ERICH3: variants seen among roughly 807,000 people sequenced by gnomAD.
ERICH3 encodes the protein glutamate rich 3, also known as glutamate-rich protein 3.
In ERICH3, 126 loss-of-function variants were observed where a neutral mutation model predicts 131.1. The observed-to-expected ratio is 0.96, with a 90% CI of 0.83 to 1.11. The LOEUF is 1.11. Ranked by LOEUF, ERICH3 falls within the 50% of genes most tolerant of loss-of-function variation. ERICH3 has a pLI of 0.00. For synonymous variants in ERICH3, 695 were observed against 644.6 expected (o/e 1.08, Z -1.18); for missense variants, 2,050 against 1,810.7 (o/e 1.13, Z -2.40).
At chr1:74,661,619 A>G (rs1021911414) in intron 1 of ERICH3, among the ~76,000 whole-genome samples, 6 of 152,152 alleles carry the variant, frequency 3.9e-5, no homozygotes, top group African/African-American at 9.7e-5. Flanking sequence ...CTTATTTAGA[A>G]CTGTATATTT....
chr1:74,641,347 G>A lies in ERICH3; in HGVS notation c.428C>T (p.Ser143Phe). 1 of 1,612,624 alleles carries A rather than the reference G, an allele frequency of 6.2e-7. No homozygotes were observed. The highest frequency in any genetic ancestry group is 8.5e-7 in the Non-Finnish European group (1 of 1,179,212). Residue 143 changes from serine (S) to phenylalanine (F), a missense_variant, in exon 5 of 15, where the codon TCC becomes TTC. Physicochemically the swap from Ser to Phe is radical, Grantham distance 155 (BLOSUM62 -2). Transcript: ENST00000326665. ...GHSVLVDEGHSSPLALTAPRP... is the reference protein window; with the variant it reads ...GHSVLVDEGHFSPLALTAPRP... ...ATTACTCACCAGTGCTAACGGACTG[G>A]AATGTCCTTCATCAACCAGAACACT...
chr1:74,657,711 G>T (rs1235930770), intron 1 of ERICH3, among the ~76,000 whole-genome samples: 1 of 152,134 alleles, frequency 6.6e-6, no homozygotes, highest in East Asian at 1.9e-4. Context: ...AGACAGTTTT[G>T]CAGTGTTCAC....
intron 12 of ERICH3, chr1:74,579,995 G>C: frequency 1.6e-6 from 1 of 625,980 alleles, no homozygotes; most frequent in Non-Finnish European, 2.0e-6. Flanking sequence ...TACAATGTCA[G>C]CTTTTTAGTA....
chr1:74,665,477 G>A (rs564978228), intron 1 of ERICH3, among the ~76,000 whole-genome samples: 1 of 152,182 alleles, frequency 6.6e-6, no homozygotes, highest in Non-Finnish European at 1.5e-5. Flanking sequence ...GCCAAGTAAT[G>A]AAGAGCATCA....
At chr1:74,637,763 T>C (rs977513131) in intron 5 of ERICH3, among the ~76,000 whole-genome samples, 8 of 151,870 alleles carry the variant, frequency 5.3e-5, no homozygotes, top group South Asian at 2.1e-4. Context: ...CTACAAAAAA[T>C]GCAAAAATTA....
At chr1:74,631,423 C>T (rs1157197982) in intron 7 of ERICH3, among the ~76,000 whole-genome samples, 1 of 151,990 alleles carries the variant, frequency 6.6e-6, no homozygotes, top group Admixed American at 6.6e-5. Flanking sequence ...TGTGACTGAA[C>T]AGGTGCATTT....
At chr1:74,589,351 T>G (rs1647475765) in intron 12 of ERICH3, 1 of 540,740 alleles carries the variant, frequency 1.8e-6, no homozygotes, top group African/African-American at 1.9e-5. Context: ...ATACTGTGCT[T>G]TATTTCATTC....
chr1:74,581,595 C>T (rs1030831495), intron 12 of ERICH3, among the ~76,000 whole-genome samples: 1 of 152,000 alleles, frequency 6.6e-6, no homozygotes, highest in Non-Finnish European at 1.5e-5. Flanking sequence ...AGCTTTATTG[C>T]ACTGTTATCA....
In ERICH3 at chr1:74,636,280, C is replaced by G. The variant is rs775567742; in HGVS notation, c.603G>C (p.Gly201=). Residue 201 remains glycine (G), a splice_region_variant and synonymous_variant, in exon 6 of 15, where the codon GGG becomes GGC. Transcript: ENST00000326665. ...ATTTATTGATAAAAATAACATTTACCCCAATGGGAAACAGAGCTTCATTTT... is the reference window on the plus strand; with the variant it reads ...ATTTATTGATAAAAATAACATTTACGCCAATGGGAAACAGAGCTTCATTTT... ...LLENEALFPI[G]GKKAVMKFRN... is the part of the protein sequence containing the mutation. 4.4e-6 allele frequency: 7 copies of G among 1,596,196 alleles called. No individual in the cohort carries two copies. In the Admixed American group the frequency reaches 6.9e-5, roughly 16 times the overall value.
chr1:74,596,831 T>C (rs1478337950), intron 11 of ERICH3, among the ~76,000 whole-genome samples: 1 of 152,044 alleles, frequency 6.6e-6, no homozygotes, highest in Admixed American at 6.6e-5. Flanking sequence ...GGGTCCTCTC[T>C]TAGTCAGCTT....
At chr1:74,672,865 C>G (rs1443875757) in intron 1 of ERICH3, among the ~76,000 whole-genome samples, 1 of 151,834 alleles carries the variant, frequency 6.6e-6, no homozygotes, top group Non-Finnish European at 1.5e-5. Flanking sequence ...CTAAGGGGTT[C>G]ACCTACCTAA....
chr1:74,587,770 A>G (rs1647402124), intron 12 of ERICH3, among the ~76,000 whole-genome samples: 1 of 152,224 alleles, frequency 6.6e-6, no homozygotes, highest in Admixed American at 6.5e-5. Context: ...TACATTTTCT[A>G]GATGATACCT....
intron 7 of ERICH3, among the ~76,000 whole-genome samples, chr1:74,626,445 A>T (rs1649418739): frequency 6.6e-6 from 1 of 152,212 alleles, no homozygotes; most frequent in Non-Finnish European, 1.5e-5. Flanking sequence ...GTCTCAAACT[A>T]GTGTCATAAA....
intron 11 of ERICH3, among the ~76,000 whole-genome samples, chr1:74,593,137 C>A (rs9326117): frequency 0.4 from 60,790 of 151,950 alleles, 13,326 homozygotes; most frequent in Non-Finnish European, 0.5. Context: ...GCACTCATTG[C>A]GTGAGGTCTT....
At chr1:74,582,633 G>A (rs1647198885) in intron 12 of ERICH3, among the ~76,000 whole-genome samples, 1 of 152,040 alleles carries the variant, frequency 6.6e-6, no homozygotes, top group Admixed American at 6.6e-5. Flanking sequence ...TGCTTTTGTG[G>A]AAACAAATCA....
intron 1 of ERICH3, among the ~76,000 whole-genome samples, chr1:74,655,769 C>G (rs929322044): frequency 6.6e-6 from 1 of 152,120 alleles, no homozygotes; most frequent in African/African-American, 2.4e-5. Context: ...AAGCCTGATG[C>G]CAGGAGCAGA....
In ERICH3 at chr1:74,589,995, T is replaced by C; in HGVS notation, c.1812A>G (p.Glu604=). The stretch of plus-strand genomic sequence containing the variant: ...CATCTGTGCTGCTGTCAGTGTGGGC[T>C]TCCCTGTCCCCCACTGCAGATTCAT... ...SEDESAVGDR[E]AHTDSSTDES... The change falls in exon 12 of 15, where the codon GAA becomes GAG. Residue 604 remains glutamate, a synonymous_variant. Transcript: ENST00000326665. 3 of 1,613,924 alleles carry C rather than the reference T, an allele frequency of 1.9e-6. No individual in the cohort carries two copies. The highest frequency in any genetic ancestry group is 1.7e-6 in the Non-Finnish European group (2 of 1,179,882).
chr1:74,617,174 C>CAA (rs5775248), intron 8 of ERICH3, among the ~76,000 whole-genome samples: 11,735 of 138,076 alleles, frequency 0.085, 1,435 homozygotes, highest in African/African-American at 0.28. Context: ...AAAAAACAAA[C>CAA]AAAAAAAAAA....
chr1:74,635,943 T>C (rs180915092), intron 6 of ERICH3, among the ~76,000 whole-genome samples: 151 of 152,322 alleles, frequency 9.9e-4, no homozygotes, highest in Non-Finnish European at 1.6e-3. Context: ...CGTTTAAAAT[T>C]TGGAAGAAGT....
Sources: allele counts gnomAD v4.1 joint callset (sites outside exome capture counted in the v4.1 genomes callset), GRCh38; gene constraint gnomAD v4.1.1; transcripts MANE v1.5; gene names NCBI Gene and HGNC (gene_info 2026-07-23, HGNC 2026-07-21).